ERBB4: variants seen among roughly 807,000 people sequenced by gnomAD.
ERBB4 encodes the protein erb-b2 receptor tyrosine kinase 4, also known as receptor tyrosine-protein kinase erbB-4.
ERBB4 carries 42 observed loss-of-function variants against 158.0 expected under a neutral mutation model. That is an observed-to-expected ratio of 0.27 (90% CI 0.21 to 0.34). ERBB4 has a LOEUF of 0.34. Among genes scored for constraint, ERBB4 ranks in the 10% least tolerant of loss-of-function variants. The pLI is 1.00. For missense variants in ERBB4, 1,333 were observed against 1,624.1 expected (o/e 0.82, Z 3.08); for synonymous variants, 583 against 558.7 (o/e 1.04, Z -0.61).
chr2:211,953,363 C>T (rs1003495156), intron 2 of ERBB4, among the ~76,000 whole-genome samples: 2 of 151,002 alleles, frequency 1.3e-5, no homozygotes, highest in African/African-American at 4.9e-5. Context: ...TGCATATGTA[C>T]CCCAGAACTT....
intron 19 of ERBB4, among the ~76,000 whole-genome samples, chr2:211,601,369 T>C (rs1393694008): frequency 1.3e-5 from 2 of 151,592 alleles, no homozygotes; most frequent in Non-Finnish European, 2.9e-5. Context: ...GTGTGAAAAA[T>C]ATTATCAAAG....
chr2:212,112,982 G>T (rs2079458849), intron 2 of ERBB4, among the ~76,000 whole-genome samples: 1 of 152,110 alleles, frequency 6.6e-6, no homozygotes, highest in Admixed American at 6.5e-5. Flanking sequence ...AAAATGCACA[G>T]TATATCTCAC....
intron 2 of ERBB4, among the ~76,000 whole-genome samples, chr2:211,959,252 T>A (rs970440088): frequency 1.3e-5 from 2 of 152,090 alleles, no homozygotes; most frequent in Non-Finnish European, 2.9e-5. Context: ...ATAGACATGG[T>A]TCTTAATCTT....
intron 4 of ERBB4, among the ~76,000 whole-genome samples, chr2:211,785,162 T>G (rs2076131238): frequency 6.6e-6 from 1 of 150,898 alleles, no homozygotes; most frequent in South Asian, 2.1e-4. Context: ...AGTGCAGTGG[T>G]GCCATCTCGG....
At chr2:211,697,062 T>G (rs535256594) in intron 12 of ERBB4, among the ~76,000 whole-genome samples, 1 of 152,304 alleles carries the variant, frequency 6.6e-6, no homozygotes, top group South Asian at 2.1e-4. Flanking sequence ...TTAATCGGAT[T>G]TTAGTAGCTC....
intron 2 of ERBB4, among the ~76,000 whole-genome samples, chr2:212,119,366 G>A (rs888948137): frequency 1.3e-5 from 2 of 152,048 alleles, no homozygotes; most frequent in Non-Finnish European, 2.9e-5. Flanking sequence ...GTAAAAGCTG[G>A]TGGGTCAGGC....
At chr2:212,383,568 C>T (rs2090580005) in intron 1 of ERBB4, among the ~76,000 whole-genome samples, 1 of 151,520 alleles carries the variant, frequency 6.6e-6, no homozygotes, top group Admixed American at 6.6e-5. Context: ...ATAACTTTAA[C>T]ATGCAATGTT....
intron 1 of ERBB4, among the ~76,000 whole-genome samples, chr2:212,520,813 T>G (rs1415473924): frequency 6.6e-6 from 1 of 151,994 alleles, no homozygotes; most frequent in Non-Finnish European, 1.5e-5. Context: ...TTGCCATTAC[T>G]AATATCTTTT....
At chr2:211,582,942 T>C (rs2068147455) in intron 19 of ERBB4, among the ~76,000 whole-genome samples, 1 of 152,160 alleles carries the variant, frequency 6.6e-6, no homozygotes, top group Non-Finnish European at 1.5e-5. Flanking sequence ...CACTTGAGAA[T>C]ATTTGAGATA....
At chr2:212,365,905 A>C (rs949363597) in intron 1 of ERBB4, among the ~76,000 whole-genome samples, 1 of 151,890 alleles carries the variant, frequency 6.6e-6, no homozygotes, top group Non-Finnish European at 1.5e-5. Flanking sequence ...CCTTGAAGGG[A>C]AAACCCTCCA....
At chr2:211,801,510 CTTTAT>C (rs1451595732) in intron 3 of ERBB4, among the ~76,000 whole-genome samples, 1 of 151,850 alleles carries the variant, frequency 6.6e-6, no homozygotes, top group Non-Finnish European at 1.5e-5. Flanking sequence ...GGGATATTTT[CTTTAT>C]TTTATGTACA....
chr2:212,497,986 T>C (rs1476442092), intron 1 of ERBB4, among the ~76,000 whole-genome samples: 7 of 152,220 alleles, frequency 4.6e-5, no homozygotes, highest in African/African-American at 1.7e-4. Flanking sequence ...TCCTTCCCTT[T>C]AGATAGGACC....
chr2:211,940,169 C>CAGTTCAGGGTCTGAAAGCCAGATGA (rs1180021659), intron 3 of ERBB4, among the ~76,000 whole-genome samples: 1 of 152,052 alleles, frequency 6.6e-6, no homozygotes, highest in Non-Finnish European at 1.5e-5. Flanking sequence ...CAATACTTTG[C>CAGTTCAGGGTCTGAAAGCCAGATGA]AGTTCAGGGT....
Position 212,371,670 on chromosome 2 carries a change from T to C in ERBB4, c.82+166779A>G, listed in dbSNP as rs554512288. 2.4e-3 allele frequency among the ~76,000 whole-genome samples: 373 copies of C among 152,314 alleles called. 1 individual carries two copies. The highest frequency in any genetic ancestry group is 2.6e-3 in the Non-Finnish European group (178 of 68,028). On this transcript the variant is annotated intron_variant, in intron 1 of 27. Coordinates refer to ENST00000342788, the MANE Select transcript of ERBB4 (RefSeq NM_005235.3). ...CAGATGGTCAGTTAAGCAATTTATA[T>C]ACATCATCTCTTTTGTTCCTATTGA... is the stretch of plus-strand genomic sequence containing the variant.
intron 3 of ERBB4, among the ~76,000 whole-genome samples, chr2:211,858,480 GATTTAGACC>G (rs1021615817): frequency 6.6e-6 from 1 of 152,192 alleles, no homozygotes; most frequent in Non-Finnish European, 1.5e-5. Context: ...AGCATGGTTT[GATTTAGACC>G]ATTTTGTACT....
At chr2:212,383,068 CT>C (rs1395886366) in intron 1 of ERBB4, among the ~76,000 whole-genome samples, 3 of 150,938 alleles carry the variant, frequency 2.0e-5, no homozygotes, top group Non-Finnish European at 4.4e-5. Context: ...TGTTTTTAAG[CT>C]TAGAGAGTCT....
chr2:211,818,384 C>T (rs2076923190), intron 3 of ERBB4, among the ~76,000 whole-genome samples: 1 of 151,970 alleles, frequency 6.6e-6, no homozygotes, highest in Admixed American at 6.6e-5. Context: ...GGAGTAAATT[C>T]TTTCTCAGGG....
chr2:211,628,783 C>T (rs1013166953), intron 17 of ERBB4, among the ~76,000 whole-genome samples: 2 of 152,188 alleles, frequency 1.3e-5, no homozygotes, highest in African/African-American at 2.4e-5. Context: ...TACAGTCCCA[C>T]CAACAGTGTA....
chr2:211,564,380 A>G (rs1478981134), intron 19 of ERBB4, among the ~76,000 whole-genome samples: 4 of 152,174 alleles, frequency 2.6e-5, no homozygotes, highest in African/African-American at 9.6e-5. Flanking sequence ...CCTCTAGGAA[A>G]TCTTAAACCA....
Sources: gnomAD v4.1 joint callset for allele counts (sites outside exome capture counted in the v4.1 genomes callset) on GRCh38, gnomAD v4.1.1 for gene constraint, MANE v1.5 for transcripts, NCBI Gene and HGNC (gene_info 2026-07-23, HGNC 2026-07-21) for gene names.